Variants in CRADD observed in about 807,000 individuals in gnomAD.
The protein encoded by CRADD is death domain-containing protein CRADD.
A neutral mutation model predicts 15.5 loss-of-function variants in CRADD; 9 were observed. That is an observed-to-expected ratio of 0.58 (90% CI 0.35 to 1.01). The LOEUF (loss-of-function observed/expected upper bound fraction) is 1.01. Among genes scored for constraint, CRADD ranks in the 50% least tolerant of loss-of-function variants. The pLI is 0.02. For synonymous variants in CRADD, 118 were observed against 107.6 expected, an observed-to-expected ratio of 1.10 and a Z score of -0.60; for missense variants, 227 against 250.3, an observed-to-expected ratio of 0.91 and a Z score of 0.63.
chr12:93,876,342 C>T (rs1958457610), intron 2 of CRADD, among the ~76,000 whole-genome samples: 1 of 152,134 alleles, frequency 6.6e-6, no homozygotes. Flanking sequence ...CCTTCTTGTA[C>T]TTGAATGTTG....
At chr12:93,868,672 CCTCT>C (rs898191059) in intron 2 of CRADD, among the ~76,000 whole-genome samples, 1 of 149,192 alleles carries the variant, frequency 6.7e-6, no homozygotes. Flanking sequence ...TCTCTCTCTC[CCTCT>C]CTCTCTCTTG....
intron 2 of CRADD, among the ~76,000 whole-genome samples, chr12:93,876,084 C>G (rs1426285605): frequency 2.0e-5 from 3 of 152,050 alleles, no homozygotes; most frequent in Non-Finnish European, 4.4e-5. Flanking sequence ...ATATACTATT[C>G]TAGGGTAAAA....
At chr12:93,744,635 C>G (rs2136932480) in intron 2 of CRADD, among the ~76,000 whole-genome samples, 1 of 152,226 alleles carries the variant, frequency 6.6e-6, no homozygotes, top group Non-Finnish European at 1.5e-5. Context: ...CTCTGGGTAC[C>G]ACTTTGTTGT....
intron 2 of CRADD, among the ~76,000 whole-genome samples, chr12:93,881,904 ATCACTAGAG>A: frequency 6.6e-6 from 1 of 152,162 alleles, no homozygotes; most frequent in Non-Finnish European, 1.5e-5. Context: ...AGGCAGGCGG[ATCACTAGAG>A]GTCAGGAGTT....
intron 2 of CRADD, among the ~76,000 whole-genome samples, chr12:93,769,034 G>A (rs886527109): frequency 2.6e-5 from 4 of 151,904 alleles, no homozygotes; most frequent in Admixed American, 2.6e-4. Context: ...TCATGTGAAA[G>A]AAGATACCAT....
intron 2 of CRADD, among the ~76,000 whole-genome samples, chr12:93,806,467 AAAAAAC>A (rs1565920939): frequency 1.4e-4 from 21 of 149,714 alleles, no homozygotes; most frequent in African/African-American, 3.2e-4. Flanking sequence ...AAAAAAAAAA[AAAAAAC>A]AAAAAAAAGA....
chr12:93,734,966 T>C (rs1311533565), intron 2 of CRADD, among the ~76,000 whole-genome samples: 2 of 152,230 alleles, frequency 1.3e-5, no homozygotes, highest in Non-Finnish European at 2.9e-5. Flanking sequence ...CATAGCACCC[T>C]GTGATTTTCC....
chr12:93,848,918 C>T (rs1812628396), intron 2 of CRADD: 1 of 152,290 alleles, frequency 6.6e-6, no homozygotes, highest in Non-Finnish European at 1.5e-5. Flanking sequence ...TGCCCCGTCT[C>T]ATACTTCCTG....
At chr12:93,832,314 C>T (rs1055906017) in intron 2 of CRADD, among the ~76,000 whole-genome samples, 1 of 152,128 alleles carries the variant, frequency 6.6e-6, no homozygotes, top group Non-Finnish European at 1.5e-5. Flanking sequence ...GGTAAATTTG[C>T]GTGACATCCA....
intron 2 of CRADD, among the ~76,000 whole-genome samples, chr12:93,810,647 T>G (rs1957615193): frequency 6.7e-6 from 1 of 150,034 alleles, no homozygotes; most frequent in Non-Finnish European, 1.5e-5. Context: ...ATGTGTGTAT[T>G]ATGACATGGT....
chr12:93,833,588 C>T (rs1957934929), intron 2 of CRADD, among the ~76,000 whole-genome samples: 1 of 152,160 alleles, frequency 6.6e-6, no homozygotes, highest in Non-Finnish European at 1.5e-5. Flanking sequence ...TCAAGCGACC[C>T]TCCCCCCTTG....
At chr12:93,847,015 A>C (rs1020686028) in intron 2 of CRADD, among the ~76,000 whole-genome samples, 2 of 152,226 alleles carry the variant, frequency 1.3e-5, no homozygotes, top group Non-Finnish European at 2.9e-5. Context: ...AGGCAGAAGA[A>C]TGGCATGAAC....
At chr12:93,788,701 G>A (rs934935176) in intron 2 of CRADD, among the ~76,000 whole-genome samples, 1 of 152,152 alleles carries the variant, frequency 6.6e-6, no homozygotes, top group South Asian at 2.1e-4. Context: ...AACAGCAATG[G>A]CATTGGGATC....
At chr12:93,861,395 G>A (rs1160031566) in intron 2 of CRADD, among the ~76,000 whole-genome samples, 3 of 152,246 alleles carry the variant, frequency 2.0e-5, no homozygotes, top group Admixed American at 6.5e-5. Context: ...GTGAAGTGTG[G>A]TGGAGGATGC....
intron 2 of CRADD, among the ~76,000 whole-genome samples, chr12:93,790,910 A>T (rs563016777): frequency 2.1e-3 from 154 of 72,068 alleles, no homozygotes; most frequent in East Asian, 4.7e-3. Flanking sequence ...TGCCATATAC[A>T]TGACACACAC....
At chr12:93,744,207 A>G (rs1422692422) in intron 2 of CRADD, among the ~76,000 whole-genome samples, 1 of 152,200 alleles carries the variant, frequency 6.6e-6, no homozygotes, top group Non-Finnish European at 1.5e-5. Context: ...GCAGGCCTGG[A>G]CTTGTACCTG....
In CRADD at chr12:93,679,176, C is replaced by A. The variant is rs1955230290; in HGVS notation, c.298+104C>A. 4 of 935,364 alleles carry A rather than the reference C, an allele frequency of 4.3e-6. No individual in the cohort carries two copies. In the South Asian group the frequency reaches 6.7e-5, roughly 16 times the overall value. The allele number at this position is 935,364 out of a possible 1,614,324, so 57.9% of individuals were successfully genotyped here. ...TTTGTTTTTGAGACAGAGTCTTGCT[C>A]TGTTGCCCAGGCTGGAGTGCAATGG... On this transcript the variant is annotated intron_variant, in intron 2 of 2. Coordinates refer to ENST00000332896, the MANE Select transcript of CRADD (RefSeq NM_003805.5).
chr12:93,820,788 T>C (rs144877994), intron 2 of CRADD, among the ~76,000 whole-genome samples: 2 of 152,308 alleles, frequency 1.3e-5, no homozygotes, highest in African/African-American at 4.8e-5. Flanking sequence ...CTCTCAGATA[T>C]CACCCCCATG....
intron 2 of CRADD, among the ~76,000 whole-genome samples, chr12:93,867,942 A>G (rs1958384665): frequency 6.6e-6 from 1 of 152,210 alleles, no homozygotes; most frequent in South Asian, 2.1e-4. Flanking sequence ...ACAGCAAAAG[A>G]GGACTTGACA....
Sources: gnomAD v4.1 joint callset for allele counts (sites outside exome capture counted in the v4.1 genomes callset) on GRCh38, gnomAD v4.1.1 for gene constraint, MANE v1.5 for transcripts, NCBI Gene and HGNC (gene_info 2026-07-23, HGNC 2026-07-21) for gene names.